The following ELL2 variants were observed in gnomAD, a reference collection of about 807,000 sequenced individuals.
The protein encoded by ELL2 is elongation factor for RNA polymerase II 2, also known as RNA polymerase II elongation factor ELL2.
ELL2 carries 21 observed loss-of-function variants against 72.8 expected under a neutral mutation model. That is an observed-to-expected ratio of 0.29 (90% CI 0.20 to 0.42). The LOEUF (loss-of-function observed/expected upper bound fraction) is 0.42. Among genes scored for constraint, ELL2 ranks in the 10% least tolerant of loss-of-function variants. The probability of loss-of-function intolerance (pLI) is 1.00; values close to 1 mark genes in which losing one functional copy is unlikely to be tolerated. For synonymous variants in ELL2, 266 were observed against 283.2 expected (o/e 0.94, Z 0.61); for missense variants, 568 against 772.8 (o/e 0.73, Z 3.14).
At chr5:95,906,896 A>G in intron 4 of ELL2, 114 bp from the exon 5 acceptor site, 1 of 1,121,688 alleles carries the variant, frequency 8.9e-7, no homozygotes, top group Non-Finnish European at 1.2e-6. Context: ...ATAATAATAA[A>G]GGCCACTTTA....
chr5:95,902,074 T>A (rs979781262), intron 5 of ELL2, among the ~76,000 whole-genome samples: 4 of 152,248 alleles, frequency 2.6e-5, no homozygotes, highest in African/African-American at 9.6e-5. Flanking sequence ...CCTTATTTAC[T>A]TCTGGGCAAT....
intron 1 of ELL2, among the ~76,000 whole-genome samples, chr5:95,953,107 A>C (rs573167324): frequency 1.8e-4 from 28 of 152,336 alleles, no homozygotes; most frequent in African/African-American, 6.0e-4. Context: ...AGAGGATGGC[A>C]GGTAAAGAAG....
chr5:95,938,758 T>C (rs1012708867), intron 2 of ELL2, among the ~76,000 whole-genome samples: 1 of 152,198 alleles, frequency 6.6e-6, no homozygotes, highest in African/African-American at 2.4e-5. Flanking sequence ...AATTATGTTA[T>C]GTAAAACTAT....
intron 2 of ELL2, among the ~76,000 whole-genome samples, chr5:95,931,820 A>AAAAAAAC (rs1750611074): frequency 6.7e-6 from 1 of 150,180 alleles, no homozygotes; most frequent in African/African-American, 2.4e-5. Context: ...AAAAAAAAAA[A>AAAAAAAC]ATACTGCTTT....
chr5:95,918,151 T>C (rs1038580320), intron 3 of ELL2, among the ~76,000 whole-genome samples: 2 of 152,230 alleles, frequency 1.3e-5, no homozygotes, highest in African/African-American at 2.4e-5. Context: ...TGCTGATCAA[T>C]AGAACATTTT....
intron 4 of ELL2, among the ~76,000 whole-genome samples, chr5:95,910,924 A>T (rs764431204): frequency 3.3e-5 from 5 of 152,164 alleles, no homozygotes; most frequent in Non-Finnish European, 7.3e-5. Context: ...ACACTCATAT[A>T]ATTTGCTATT....
chr5:95,895,514 CCAGGACT>C (rs1748832242), intron 9 of ELL2, 107 bp downstream of exon 9: 1 of 940,432 alleles, frequency 1.1e-6, no homozygotes, highest in Non-Finnish European at 1.7e-6. Context: ...AAGGGTGGCT[CCAGGACT>C]CTATTTCTGG....
chr5:95,911,945 G>A (rs1749618939), intron 4 of ELL2, among the ~76,000 whole-genome samples: 4 of 152,228 alleles, frequency 2.6e-5, no homozygotes, highest in Admixed American at 6.5e-5. Flanking sequence ...AGCCTCTGCA[G>A]GGAGGAAGAG....
chr5:95,925,444 C>T (rs1404049534), intron 2 of ELL2, among the ~76,000 whole-genome samples: 1 of 152,198 alleles, frequency 6.6e-6, no homozygotes, highest in East Asian at 1.9e-4. Context: ...CCTTGTAATA[C>T]TAACATATTA....
intron 4 of ELL2, among the ~76,000 whole-genome samples, chr5:95,911,646 T>C (rs1055498331): frequency 6.6e-6 from 1 of 152,186 alleles, no homozygotes; most frequent in Non-Finnish European, 1.5e-5. Flanking sequence ...GCACCCGGCC[T>C]TGCTCAGACT....
intron 1 of ELL2, among the ~76,000 whole-genome samples, chr5:95,950,388 G>A (rs971572908): frequency 3.3e-5 from 5 of 152,082 alleles, no homozygotes; most frequent in African/African-American, 4.8e-5. Flanking sequence ...AAAATGTCTA[G>A]GCAAGGAGAG....
At chr5:95,934,625 C>T (rs1271512592) in intron 2 of ELL2, among the ~76,000 whole-genome samples, 1 of 152,194 alleles carries the variant, frequency 6.6e-6, no homozygotes, top group Non-Finnish European at 1.5e-5. Context: ...AGAAAACTTT[C>T]TTTCTCCACT....
chr5:95,926,652 T>A (rs1329610677), intron 2 of ELL2, among the ~76,000 whole-genome samples: 1 of 152,174 alleles, frequency 6.6e-6, no homozygotes, highest in Non-Finnish European at 1.5e-5. Flanking sequence ...AATTTCTAGT[T>A]CTGGATTAAA....
At chr5:95,961,319 A>C (rs377542787) in intron 1 of ELL2, among the ~76,000 whole-genome samples, 1 of 151,866 alleles carries the variant, frequency 6.6e-6, no homozygotes, top group Non-Finnish European at 1.5e-5. Flanking sequence ...CCGCAGCGGC[A>C]GCGCAGCCGA....
chr5:95,925,297 A>G (rs1750243472), intron 2 of ELL2, among the ~76,000 whole-genome samples: 1 of 152,216 alleles, frequency 6.6e-6, no homozygotes, highest in South Asian at 2.1e-4. Flanking sequence ...GAGCGGGCCA[A>G]GATCATCTAT....
rs200730667 is a variant in ELL2 at position 95,898,298 on chromosome 5, A to C, written c.1467T>G (p.Asp489Glu). Reference sequence around the variant, plus strand: ...TGGCAATTTCCTCTTCTCTCTTAAGATCTTCCTCCTTTTCCTCAATAGTCT... The same window carrying C: ...TGGCAATTTCCTCTTCTCTCTTAAGCTCTTCCTCCTTTTCCTCAATAGTCT... ...DIETIEEKEE[D>E]LKREEEIAKL... The change falls in exon 8 of 12, where the codon GAT becomes GAG. Residue 489 changes from aspartate (D) to glutamate (E), a missense_variant. Physicochemically the swap from Asp to Glu is conservative, Grantham distance 45 (BLOSUM62 2). This residue lies in a region of ELL2 where 511 missense variants were observed against 728.4 expected (regional missense o/e 0.70). Transcript: ENST00000237853. 94 of 1,612,698 alleles carry C rather than the reference A, an allele frequency of 5.8e-5. No individual in the cohort carries two copies. The highest frequency in any genetic ancestry group is 2.2e-4 in the Admixed American group (13 of 59,696).
intron 5 of ELL2, 64 bp from the exon 6 acceptor site, chr5:95,901,144 G>A: frequency 6.6e-7 from 1 of 1,507,584 alleles, no homozygotes; most frequent in Non-Finnish European, 8.9e-7. Context: ...CCTAAAACAG[G>A]CAACCTTTAG....
At chr5:95,960,610 A>G (rs912544929) in intron 1 of ELL2, among the ~76,000 whole-genome samples, 1 of 151,338 alleles carries the variant, frequency 6.6e-6, no homozygotes, top group African/African-American at 2.4e-5. Flanking sequence ...TATCCTCCCC[A>G]CACCTTCTGG....
At position 95,897,158 on chromosome 5, in the gene ELL2, G is replaced by A. The variant is rs193299916; in HGVS notation, c.1525+1082C>T. Among the ~76,000 whole-genome samples the A allele has an allele frequency of 9.7e-4, 148 of 152,242 alleles. 1 individual carries two copies. The highest frequency in any genetic ancestry group is 3.3e-3 in the African/African-American group (139 of 41,546). The stretch of plus-strand genomic sequence containing the variant: ...CACATATCATATCATATTCTACAGC[G>A]GCTTCTTTGGAAGTAACACTAAAAG... On this transcript the variant is annotated intron_variant, in intron 8 of 11. Transcript: ENST00000237853.
Sources: allele counts gnomAD v4.1 joint callset (sites outside exome capture counted in the v4.1 genomes callset), GRCh38; gene constraint gnomAD v4.1.1; regional missense constraint gnomAD v4.1.1; transcripts MANE v1.5; gene names NCBI Gene and HGNC (gene_info 2026-07-23, HGNC 2026-07-21).